The following HADH variants were observed in gnomAD, a reference collection of about 807,000 sequenced individuals.
HADH encodes hydroxyacyl-CoA dehydrogenase, also known as hydroxyacyl-coenzyme A dehydrogenase, mitochondrial.
Under a neutral mutation model 32.2 loss-of-function variants are expected in HADH, and 24 were observed. The observed-to-expected ratio is 0.75, with a 90% CI of 0.54 to 1.05. HADH has a LOEUF of 1.05. HADH is among the 50% of genes least tolerant of loss of function. The pLI is 0.00. For synonymous variants in HADH, 139 were observed against 152.5 expected (o/e 0.91, Z 0.65); for missense variants, 350 against 397.1 (o/e 0.88, Z 1.01).
intron 2 of HADH, among the ~76,000 whole-genome samples, chr4:108,010,648 T>A (rs759250939): frequency 6.6e-6 from 1 of 152,192 alleles, no homozygotes; most frequent in African/African-American, 2.4e-5. Flanking sequence ...TAGATGCTTT[T>A]AAAAATTTTT....
intron 1 of HADH, chr4:108,004,492 A>G: frequency 2.3e-6 from 1 of 436,052 alleles, no homozygotes; most frequent in East Asian, 6.0e-5. Context: ...GGTATACTCC[A>G]GTGCAGCTGC....
chr4:108,023,748 C>T (rs1735971333), intron 5 of HADH, 185 bp downstream of exon 5: 1 of 627,372 alleles, frequency 1.6e-6, no homozygotes, highest in Non-Finnish European at 2.9e-6. Flanking sequence ...AAACTGGACT[C>T]CTAAGCCATG....
intron 3 of HADH, among the ~76,000 whole-genome samples, chr4:108,018,247 C>G (rs1735759629): frequency 6.6e-6 from 1 of 152,124 alleles, no homozygotes; most frequent in Non-Finnish European, 1.5e-5. Context: ...TTTTGTGGTT[C>G]CAGGTGCTTG....
At chr4:108,022,201 A>ATGTGTGTG (rs56746496) in intron 4 of HADH, among the ~76,000 whole-genome samples, 89 of 139,734 alleles carry the variant, frequency 6.4e-4, no homozygotes, top group Middle Eastern at 3.7e-3. Context: ...GTGTGTGTGT[A>ATGTGTGTG]TGTGTGTGTG....
chr4:107,993,467 T>G lies in HADH; in HGVS notation c.132+3403T>G, dbSNP rs577176763. Among the ~76,000 whole-genome samples, 5 of 152,362 alleles carry G rather than the reference T, an allele frequency of 3.3e-5. No homozygotes were observed. In the East Asian group the frequency reaches 7.7e-4, roughly 23 times the overall value. On this transcript the variant is annotated intron_variant, in intron 1 of 7. Transcript: ENST00000309522. ...TCATTAGCTTAATTTTCTTGAACTT[T>G]CTGACGTGGTTTTAATGTTAGTCAA...
chr4:108,013,161 A>G lies in HADH; in HGVS notation c.262-1270A>G, dbSNP rs1735562117. Among the ~76,000 whole-genome samples the G allele has an allele frequency of 2.0e-5, 3 of 152,280 alleles. No homozygotes were observed. The South Asian group carries it at 6.2e-4, about 32-fold the overall frequency. ...TTATCCCGGATGGTCTCGATCTCCT[A>G]ACCTCGTGATCCGCCTGCCTCGGCC... On this transcript the variant is annotated intron_variant, in intron 2 of 7. Coordinates refer to ENST00000309522, the MANE Select transcript of HADH (RefSeq NM_005327.7).
chr4:108,013,662 A>G (rs993207857), intron 2 of HADH, among the ~76,000 whole-genome samples: 1 of 152,196 alleles, frequency 6.6e-6, no homozygotes, highest in Non-Finnish European at 1.5e-5. Flanking sequence ...TGGCTAGTCT[A>G]GATAGAAATG....
At chr4:108,015,623 A>G (rs549595581) in intron 3 of HADH, among the ~76,000 whole-genome samples, 1 of 152,170 alleles carries the variant, frequency 6.6e-6, no homozygotes, top group East Asian at 1.9e-4. Context: ...GTTGTTCTCC[A>G]TCCTCCCACT....
chr4:108,022,201 ATG>A (rs56746496), intron 4 of HADH, among the ~76,000 whole-genome samples: 9,483 of 139,688 alleles, frequency 0.068, 283 homozygotes, highest in African/African-American at 0.081. Context: ...GTGTGTGTGT[ATG>A]TGTGTGTGTG....
At chr4:108,022,587 A>G (rs1020053538) in intron 4 of HADH, among the ~76,000 whole-genome samples, 11 of 152,316 alleles carry the variant, frequency 7.2e-5, no homozygotes, top group African/African-American at 2.4e-4. Flanking sequence ...TCAGGAATCC[A>G]GGAGAACTGT....
chr4:107,998,499 C>T (rs1177554127), intron 1 of HADH, among the ~76,000 whole-genome samples: 2 of 152,100 alleles, frequency 1.3e-5, no homozygotes, highest in African/African-American at 4.8e-5. Flanking sequence ...AGGCTGGTCT[C>T]TAACTCCCGA....
chr4:108,023,607 T>G (rs1445259674), intron 5 of HADH, 44 bp downstream of exon 5: 1 of 1,072,972 alleles, frequency 9.3e-7, no homozygotes, highest in African/African-American at 1.5e-5. Context: ...TCTTTTCTTC[T>G]TGGACCCTGA....
chr4:107,992,296 G>C (rs1372186554), intron 1 of HADH, among the ~76,000 whole-genome samples: 1 of 152,212 alleles, frequency 6.6e-6, no homozygotes, highest in Non-Finnish European at 1.5e-5. Context: ...ACGACCATAA[G>C]AAACAGTTCC....
At chr4:108,003,317 C>G (rs990405935) in intron 1 of HADH, among the ~76,000 whole-genome samples, 2 of 152,100 alleles carry the variant, frequency 1.3e-5, no homozygotes, top group African/African-American at 2.4e-5. Flanking sequence ...GCTAGACGAA[C>G]TTTCTCCGTC....
chr4:108,027,041 C>CAGAG (rs1736091302), intron 5 of HADH: 1 of 159,850 alleles, frequency 6.3e-6, no homozygotes, highest in South Asian at 1.8e-4. Flanking sequence ...AGCTCTCTGT[C>CAGAG]AGAGGCTCTG....
In HADH at chr4:108,019,636, C is replaced by T. The variant is rs769995771; in HGVS notation, c.516C>T (p.Phe172=). 4 of 1,614,180 alleles carry T rather than the reference C, an allele frequency of 2.5e-6. No homozygotes were observed. In the East Asian group the frequency reaches 8.9e-5, roughly 36 times the overall value. The change falls in exon 4 of 8, where the codon TTC becomes TTT. Residue 172 remains phenylalanine, a synonymous_variant. Coordinates refer to ENST00000309522, the MANE Select transcript of HADH (RefSeq NM_005327.7). The part of the protein sequence containing the change: ...RQDRFAGLHF[F]NPVPVMKLVE... The stretch of plus-strand genomic sequence containing the variant: ...ACCGATTCGCTGGCCTCCATTTCTT[C>T]AACCCAGTGCCTGTCATGAAACTTG...
chr4:108,012,604 A>C (rs1400615095), intron 2 of HADH, among the ~76,000 whole-genome samples: 1 of 152,242 alleles, frequency 6.6e-6, no homozygotes, highest in Non-Finnish European at 1.5e-5. Context: ...GATGAGAACA[A>C]AGGAAGGAGG....
In HADH at chr4:108,022,201, A is replaced by ATGTGTGTGTG. The variant is rs56746496; in HGVS notation, c.547-1259_547-1250dup. 2.1e-3 allele frequency among the ~76,000 whole-genome samples: 297 copies of ATGTGTGTGTG among 139,738 alleles called. 3 individuals carry two copies. Among genetic ancestry groups the ATGTGTGTGTG allele is most frequent in the Middle Eastern group, 7.4e-3 (2 of 270 alleles). 91.7% of individuals were successfully genotyped at this position (139,738 alleles called of 152,430 possible). ...TGTGTGTGTGTGTATGTGTGTGTGT[A>ATGTGTGTGTG]TGTGTGTGTGTGTGTGTGTGTGTAT... On this transcript the variant is annotated intron_variant, in intron 4 of 7. Coordinates refer to ENST00000309522, the MANE Select transcript of HADH (RefSeq NM_005327.7).
rs139112519 is a variant in HADH, at chr4:108,003,302, A to G, written c.133-6457A>G. Among the ~76,000 whole-genome samples, 451 of 152,264 alleles carry G rather than the reference A, an allele frequency of 3.0e-3. 5 individuals carry two copies. The highest frequency in any genetic ancestry group is 9.9e-3 in the African/African-American group (410 of 41,554). On this transcript the variant is annotated intron_variant, in intron 1 of 7. Transcript: ENST00000309522. ...CTGTCTGCACATGGCAGAAGGTGGA[A>G]GAAAGCTAGACGAACTTTCTCCGTC...
Sources: allele counts gnomAD v4.1 joint callset (sites outside exome capture counted in the v4.1 genomes callset), GRCh38; gene constraint gnomAD v4.1.1; transcripts MANE v1.5; gene names NCBI Gene and HGNC (gene_info 2026-07-23, HGNC 2026-07-21).